The following SLC71A1 variants were observed in gnomAD, a reference collection of about 807,000 sequenced individuals.
SLC71A1 encodes solute carrier family 71 member 1, also known as hippocampus abundant gene transcript 1.
At chr1:100,046,212 GTTT>G in the SLC71A1 span, among the ~76,000 whole-genome samples, 95 of 54,068 alleles carry the variant, frequency 1.8e-3, 1 homozygote, top group African/African-American at 3.3e-3. Context: ...TCCAAGCCTC[GTTT>G]TTTTTTTTTT....
chr1:100,082,324 G>GTATC, the SLC71A1 span: 2 of 782,206 alleles, frequency 2.6e-6, no homozygotes, highest in South Asian at 3.5e-5. Context: ...CTTAAGAAAT[G>GTATC]TATCTGCATG....
chr1:100,079,394 G>A, the SLC71A1 span: 2 of 150,166 alleles, frequency 1.3e-5, no homozygotes, highest in Non-Finnish European at 3.0e-5. Context: ...TTTAATTCTT[G>A]GGATGCTAAC....
the SLC71A1 span, among the ~76,000 whole-genome samples, chr1:100,046,874 A>G: frequency 1.6e-3 from 249 of 152,206 alleles, 2 homozygotes; most frequent in Middle Eastern, 3.4e-3. Context: ...TTTTTCAGAT[A>G]TTTGCTGTTG....
At chr1:100,072,155 C>T in the SLC71A1 span, among the ~76,000 whole-genome samples, 8 of 152,356 alleles carry the variant, frequency 5.3e-5, no homozygotes, top group East Asian at 1.2e-3. Context: ...CTTGTATTCT[C>T]ATTTATGCAG....
At chr1:100,050,686 GTTAT>G in the SLC71A1 span, among the ~76,000 whole-genome samples, 1 of 152,250 alleles carries the variant, frequency 6.6e-6, no homozygotes, top group Admixed American at 6.5e-5. Flanking sequence ...TTATAAAAAA[GTTAT>G]TTAATAGAAA....
At chr1:100,039,951 G>T in the SLC71A1 span, among the ~76,000 whole-genome samples, 1 of 152,108 alleles carries the variant, frequency 6.6e-6, no homozygotes, top group African/African-American at 2.4e-5. Context: ...AAACTTTCTT[G>T]TCCTATTATT....
chr1:100,039,382 A>G, the SLC71A1 span, among the ~76,000 whole-genome samples: 1 of 152,246 alleles, frequency 6.6e-6, no homozygotes, highest in East Asian at 1.9e-4. Flanking sequence ...GGATTTGCTG[A>G]ATTCAGTTGA....
At chr1:100,063,053 T>C in the SLC71A1 span, among the ~76,000 whole-genome samples, 1 of 152,012 alleles carries the variant, frequency 6.6e-6, no homozygotes, top group African/African-American at 2.4e-5. Context: ...TTACATACCA[T>C]AAAATTTATC....
chr1:100,055,833 A>G, the SLC71A1 span, among the ~76,000 whole-genome samples: 6 of 152,178 alleles, frequency 3.9e-5, no homozygotes, highest in African/African-American at 1.4e-4. Context: ...GCTTACTGCA[A>G]TCTCTGCTTC....
the SLC71A1 span, among the ~76,000 whole-genome samples, chr1:100,064,061 G>A: frequency 0.011 from 1,644 of 152,282 alleles, 28 homozygotes; most frequent in African/African-American, 0.038. Context: ...ACCTAGGGCT[G>A]CAATAACAAA....
chr1:100,038,251 A>G, the SLC71A1 span: 1 of 1,559,518 alleles, frequency 6.4e-7, no homozygotes, highest in Non-Finnish European at 8.7e-7. Context: ...GGGGAAGAAG[A>G]AGAAACGGGC....
chr1:100,077,358 T>C, the SLC71A1 span: 5 of 730,106 alleles, frequency 6.8e-6, no homozygotes, highest in South Asian at 8.0e-5. Flanking sequence ...AACTGAGGGG[T>C]AGACTGTAAT....
the SLC71A1 span, among the ~76,000 whole-genome samples, chr1:100,051,537 T>TC: frequency 6.6e-6 from 1 of 151,672 alleles, no homozygotes; most frequent in African/African-American, 2.4e-5. Flanking sequence ...GGCTTCATAA[T>TC]CCAAGTACAA....
chr1:100,038,320 A>AGCTGAGTTCCGCGCCG, the SLC71A1 span: 1 of 1,553,126 alleles, frequency 6.4e-7, no homozygotes. Context: ...AGGCACGGTG[A>AGCTGAGTTCCGCGCCG]GCTGAGTTCC....
At chr1:100,082,112 G>A in the SLC71A1 span, 1 of 1,614,138 alleles carries the variant, frequency 6.2e-7, no homozygotes, top group South Asian at 1.1e-5. Context: ...TTAAGGTCCA[G>A]CAGTTGGAGA....
chr1:100,077,196 T>C, the SLC71A1 span: 1 of 1,550,752 alleles, frequency 6.4e-7, no homozygotes, highest in Non-Finnish European at 8.8e-7. Context: ...ATGAGGTCAA[T>C]TGGAAATAAG....
At chr1:100,041,356 G>A in the SLC71A1 span, among the ~76,000 whole-genome samples, 1 of 152,158 alleles carries the variant, frequency 6.6e-6, no homozygotes, top group Non-Finnish European at 1.5e-5. Flanking sequence ...ATTAAGGTGT[G>A]TGATTTTATA....
chr1:100,082,505 T>C, the SLC71A1 span: 1 of 336,076 alleles, frequency 3.0e-6, no homozygotes, highest in South Asian at 3.3e-5. Flanking sequence ...TTCTTAGATA[T>C]TAGCAAATGT....
chr1:100,045,051 T>G, the SLC71A1 span, among the ~76,000 whole-genome samples: 2 of 152,184 alleles, frequency 1.3e-5, no homozygotes, highest in African/African-American at 4.8e-5. Flanking sequence ...GATGCTGGTA[T>G]TTTGATGGGA....
Sources: allele counts gnomAD v4.1 joint callset (sites outside exome capture counted in the v4.1 genomes callset), GRCh38; gene constraint gnomAD v4.1.1; transcripts MANE v1.5; gene names NCBI Gene and HGNC (gene_info 2026-07-23, HGNC 2026-07-21).